The following THADA variants were observed in gnomAD, a reference collection of about 807,000 sequenced individuals.
The protein encoded by THADA is tRNA (32-2'-O)-methyltransferase regulator THADA.
In THADA, 213 loss-of-function variants were observed where a neutral mutation model predicts 219.8. That is an observed-to-expected ratio of 0.97 (90% CI 0.87 to 1.09). The LOEUF is 1.09. THADA is among the 50% of genes least tolerant of loss of function. The pLI is 0.00. For synonymous variants in THADA, 1,018 were observed against 828.9 expected (o/e 1.23, Z -3.92); for missense variants, 2,956 against 2,311.3 (o/e 1.28, Z -5.72).
intron 30 of THADA, among the ~76,000 whole-genome samples, chr2:43,339,050 TA>T (rs998159967): frequency 1.3e-5 from 2 of 151,812 alleles, no homozygotes; most frequent in African/African-American, 2.4e-5. Flanking sequence ...TTGACAAAGT[TA>T]AAAAAAAGCA....
At chr2:43,457,181 CACAT>C (rs1382955333) in intron 26 of THADA, among the ~76,000 whole-genome samples, 64 of 127,932 alleles carry the variant, frequency 5.0e-4, no homozygotes, top group East Asian at 2.5e-3. Flanking sequence ...CACACACACA[CACAT>C]GCACAGTGAG....
intron 21 of THADA, among the ~76,000 whole-genome samples, chr2:43,533,599 A>C (rs908571539): frequency 1.3e-5 from 2 of 152,216 alleles, no homozygotes; most frequent in African/African-American, 4.8e-5. Flanking sequence ...AGGGACTTGG[A>C]TGAAGCTGGA....
chr2:43,295,099 A>G (rs527930529), intron 31 of THADA, among the ~76,000 whole-genome samples: 1 of 152,254 alleles, frequency 6.6e-6, no homozygotes, highest in African/African-American at 2.4e-5. Context: ...TTTCTACAAA[A>G]AATAAAAAGT....
chr2:43,323,410 G>A (rs1678976429), intron 30 of THADA, among the ~76,000 whole-genome samples: 1 of 152,030 alleles, frequency 6.6e-6, no homozygotes, highest in Admixed American at 6.5e-5. Context: ...GTTTACCCTG[G>A]GACTCTCAAT....
intron 30 of THADA, among the ~76,000 whole-genome samples, chr2:43,337,288 C>G (rs940231931): frequency 6.6e-6 from 1 of 152,128 alleles, no homozygotes; most frequent in Admixed American, 6.5e-5. Flanking sequence ...AACTGAAGAA[C>G]AATCTGTACC....
chr2:43,255,275 C>G (rs956108997), intron 36 of THADA, among the ~76,000 whole-genome samples: 3 of 152,132 alleles, frequency 2.0e-5, no homozygotes, highest in Non-Finnish European at 2.9e-5. Flanking sequence ...TTCAAGGTGC[C>G]TATTTGCTCT....
chr2:43,593,566 G>A (rs954104920), intron 1 of THADA, among the ~76,000 whole-genome samples: 2 of 151,424 alleles, frequency 1.3e-5, no homozygotes, highest in African/African-American at 4.9e-5. Flanking sequence ...CAGAACAAGA[G>A]CCTTAAAACA....
At position 43,556,536 on chromosome 2, in the gene THADA, C is replaced by A. The variant is rs868641394; in HGVS notation, c.2483G>T (p.Gly828Val). ...GAGCTCCAATGCTGCCTGAAATAAG[C>A]CTTGCAGTTTCCCCGAATCCTAGAA... The part of the protein sequence containing the change: ...VHFQDSGKLQ[G>V]LFQAALELST... Residue 828 changes from glycine to valine, a missense_variant, in exon 17 of 38, where the codon GGC (glycine) becomes GTC (valine). By Grantham distance (109) the Gly-to-Val change is moderately radical. Transcript: ENST00000405975. The A allele has an allele frequency of 6.2e-7, 1 of 1,613,558 alleles. No homozygotes were observed. Among genetic ancestry groups the A allele is most frequent in the Non-Finnish European group, 8.5e-7 (1 of 1,179,706 alleles).
chr2:43,370,157 TGAG>T (rs780371538), intron 29 of THADA: 8 of 152,204 alleles, frequency 5.3e-5, no homozygotes, highest in Non-Finnish European at 1.0e-4. Flanking sequence ...CATCAGTTAA[TGAG>T]GAGAATGAGA....
intron 20 of THADA, among the ~76,000 whole-genome samples, chr2:43,544,314 C>T (rs1354999373): frequency 6.6e-6 from 1 of 152,148 alleles, no homozygotes; most frequent in Non-Finnish European, 1.5e-5. Flanking sequence ...AGCATGATGC[C>T]TCCAGCTTTG....
chr2:43,403,907 C>T (rs1022649349), intron 28 of THADA, among the ~76,000 whole-genome samples: 2 of 152,118 alleles, frequency 1.3e-5, no homozygotes, highest in African/African-American at 4.8e-5. Flanking sequence ...TCCTACAGCA[C>T]AGCTGTCAGC....
chr2:43,574,797 C>G lies in THADA; in HGVS notation c.1268G>C (p.Arg423Pro). 6.2e-7 allele frequency: 1 copy of G among 1,613,916 alleles called. No individual in the cohort carries two copies. The highest frequency in any genetic ancestry group is 8.5e-7 in the Non-Finnish European group (1 of 1,179,878). Residue 423 changes from arginine (R) to proline (P), a missense_variant, in exon 11 of 38, where the codon CGG (arginine) becomes CCG (proline). Coordinates refer to ENST00000405975, the MANE Select transcript of THADA (RefSeq NM_022065.5). Reference protein sequence around the residue: ...IMFKNLLQMHRLTVEGADFVP... With the variant: ...IMFKNLLQMHPLTVEGADFVP... Reference sequence around the variant, plus strand: ...GAAATCTGCACCTTCCACAGTGAGCCGGTGCATTTGGAGAAGGTTTTTGAA... The same window carrying G: ...GAAATCTGCACCTTCCACAGTGAGCGGGTGCATTTGGAGAAGGTTTTTGAA...
intron 36 of THADA, among the ~76,000 whole-genome samples, chr2:43,238,763 A>G (rs374931893): frequency 8.1e-4 from 124 of 152,336 alleles, no homozygotes; most frequent in Non-Finnish European, 1.1e-3. Context: ...AATTCATACA[A>G]TGGAATAGTA....
intron 29 of THADA, among the ~76,000 whole-genome samples, chr2:43,390,134 T>A (rs1673183382): frequency 1.3e-5 from 2 of 152,140 alleles, no homozygotes; most frequent in African/African-American, 4.8e-5. Context: ...GAGGAAGTAA[T>A]ATGATGGATA....
At chr2:43,485,124 T>G in intron 26 of THADA, 110 bp downstream of exon 26, 1 of 771,058 alleles carries the variant, frequency 1.3e-6, no homozygotes, top group Non-Finnish European at 2.1e-6. Context: ...TTTTATAGTT[T>G]TATGCTCTAG....
intron 36 of THADA, among the ~76,000 whole-genome samples, chr2:43,247,727 C>CAAAA (rs56687341): frequency 1.1e-4 from 6 of 53,370 alleles, no homozygotes; most frequent in African/African-American, 1.4e-4. Flanking sequence ...GACTCCGTCT[C>CAAAA]AAAAAAAAAA....
At chr2:43,557,410 C>T (rs1574247477) in intron 16 of THADA, among the ~76,000 whole-genome samples, 1 of 152,202 alleles carries the variant, frequency 6.6e-6, no homozygotes, top group African/African-American at 2.4e-5. Flanking sequence ...CATATGGCTG[C>T]CCTTCTCCCT....
chr2:43,256,278 G>A (rs1260396529), intron 36 of THADA, among the ~76,000 whole-genome samples: 1 of 152,144 alleles, frequency 6.6e-6, no homozygotes, highest in African/African-American at 2.4e-5. Flanking sequence ...GGAGGCCAAG[G>A]TGGGAGTTAT....
chr2:43,258,814 T>C (rs1275332241), intron 36 of THADA, among the ~76,000 whole-genome samples: 1 of 152,164 alleles, frequency 6.6e-6, no homozygotes, highest in Non-Finnish European at 1.5e-5. Context: ...TTCTCATCCA[T>C]TGGCTGTTTA....
Sources: gnomAD v4.1 joint callset for allele counts (sites outside exome capture counted in the v4.1 genomes callset) on GRCh38, gnomAD v4.1.1 for gene constraint, MANE v1.5 for transcripts, NCBI Gene and HGNC (gene_info 2026-07-23, HGNC 2026-07-21) for gene names.